Variants in SH3D19 observed in about 807,000 individuals in gnomAD.
SH3D19 encodes SH3 domain-containing protein 19.
SH3D19 carries 58 observed loss-of-function variants against 112.1 expected under a neutral mutation model. The observed-to-expected ratio is 0.52, with a 90% CI of 0.42 to 0.64. The LOEUF is 0.64. Ranked by LOEUF, SH3D19 falls within the 30% of genes least tolerant of loss-of-function variation. The pLI is 0.00. For missense variants in SH3D19, 1,090 were observed against 1,263.4 expected, an observed-to-expected ratio of 0.86 and a Z score of 2.08; for synonymous variants, 391 against 448.5, an observed-to-expected ratio of 0.87 and a Z score of 1.62.
intron 8 of SH3D19, 39 bp from the exon 9 acceptor site, chr4:151,159,391 T>A: frequency 8.3e-7 from 1 of 1,202,966 alleles, no homozygotes; most frequent in East Asian, 2.6e-5. Context: ...AATTTCTAGT[T>A]TCTGGGATTC....
intron 1 of SH3D19, among the ~76,000 whole-genome samples, chr4:151,270,578 T>C (rs1010500268): frequency 1.3e-5 from 2 of 151,904 alleles, no homozygotes; most frequent in African/African-American, 2.4e-5. Flanking sequence ...ACATATGTAC[T>C]GTATGTAATT....
chr4:151,268,164 T>C (rs1318214281), intron 1 of SH3D19, among the ~76,000 whole-genome samples: 1 of 152,212 alleles, frequency 6.6e-6, no homozygotes, highest in African/African-American at 2.4e-5. Context: ...GCTACAAACC[T>C]GTGCAGCAAG....
intron 9 of SH3D19, among the ~76,000 whole-genome samples, chr4:151,151,208 G>A (rs769515472): frequency 2.0e-5 from 3 of 152,088 alleles, no homozygotes; most frequent in East Asian, 1.9e-4. Flanking sequence ...TGATCCACCC[G>A]CCTTGGCCTC....
At chr4:151,260,937 T>G (rs1036784484) in intron 1 of SH3D19, among the ~76,000 whole-genome samples, 2 of 152,172 alleles carry the variant, frequency 1.3e-5, no homozygotes, top group Non-Finnish European at 2.9e-5. Context: ...CTCTCCCCGC[T>G]TCCTTTACTC....
intron 2 of SH3D19, among the ~76,000 whole-genome samples, chr4:151,198,136 T>A (rs1763751041): frequency 6.6e-6 from 1 of 150,962 alleles, no homozygotes; most frequent in South Asian, 2.1e-4. Flanking sequence ...AAACCTCATC[T>A]CTACAAAAAA....
At chr4:151,167,630 A>G (rs1376251656) in intron 7 of SH3D19, among the ~76,000 whole-genome samples, 1 of 152,204 alleles carries the variant, frequency 6.6e-6, no homozygotes, top group Non-Finnish European at 1.5e-5. Context: ...GCTATGCATT[A>G]AACACTATTT....
At chr4:151,195,711 T>G (rs1484292445) in intron 2 of SH3D19, among the ~76,000 whole-genome samples, 3 of 152,050 alleles carry the variant, frequency 2.0e-5, no homozygotes, top group Non-Finnish European at 4.4e-5. Flanking sequence ...TTGGACATGT[T>G]GGAATGATGT....
chr4:151,265,522 T>G (rs1446021500), intron 1 of SH3D19, among the ~76,000 whole-genome samples: 1 of 151,828 alleles, frequency 6.6e-6, no homozygotes, highest in Non-Finnish European at 1.5e-5. Context: ...TAAGTTTGCT[T>G]TTTAATAGAA....
intron 1 of SH3D19, among the ~76,000 whole-genome samples, chr4:151,240,962 G>A (rs542702489): frequency 4.6e-5 from 7 of 151,928 alleles, no homozygotes; most frequent in East Asian, 1.9e-4. Context: ...AAAAAGGAAC[G>A]AAGTACTGGT....
At chr4:151,253,795 G>C (rs886365890) in intron 1 of SH3D19, among the ~76,000 whole-genome samples, 2 of 151,670 alleles carry the variant, frequency 1.3e-5, no homozygotes, top group African/African-American at 2.4e-5. Flanking sequence ...AAAAGCACTT[G>C]TCATGTTCTG....
intron 1 of SH3D19, among the ~76,000 whole-genome samples, chr4:151,295,747 C>T (rs557156544): frequency 3.9e-5 from 6 of 152,128 alleles, no homozygotes; most frequent in Non-Finnish European, 7.4e-5. Flanking sequence ...CCCTAGAAAA[C>T]GGTTTTTAGG....
At chr4:151,320,078 C>A (rs1312743066) in intron 1 of SH3D19, among the ~76,000 whole-genome samples, 1 of 152,178 alleles carries the variant, frequency 6.6e-6, no homozygotes, top group African/African-American at 2.4e-5. Context: ...CATAAAGAAG[C>A]ACCTGGTACA....
intron 1 of SH3D19, among the ~76,000 whole-genome samples, chr4:151,324,355 T>G (rs992961289): frequency 6.6e-6 from 1 of 152,214 alleles, no homozygotes; most frequent in East Asian, 1.9e-4. Context: ...CACTTTATAA[T>G]GAGGCTCTCA....
intron 3 of SH3D19, among the ~76,000 whole-genome samples, chr4:151,183,656 T>C (rs1342421622): frequency 1.3e-5 from 2 of 152,164 alleles, no homozygotes; most frequent in Admixed American, 6.5e-5. Flanking sequence ...AATAAACACA[T>C]AGAAGGATTA....
intron 1 of SH3D19, among the ~76,000 whole-genome samples, chr4:151,310,578 CTCTT>C (rs541918747): frequency 2.6e-5 from 4 of 151,200 alleles, no homozygotes; most frequent in East Asian, 3.9e-4. Context: ...CTCTCTCTCT[CTCTT>C]TTTTTTTTTT....
chr4:151,238,961 G>T (rs1580303637), intron 1 of SH3D19, among the ~76,000 whole-genome samples: 1 of 152,028 alleles, frequency 6.6e-6, no homozygotes, highest in African/African-American at 2.4e-5. Context: ...CAAACAAAGA[G>T]AATGTTCAAT....
At chr4:151,165,735 A>C in intron 7 of SH3D19, 39 bp from the exon 8 acceptor site, 1 of 1,554,802 alleles carries the variant, frequency 6.4e-7, no homozygotes, top group Admixed American at 1.7e-5. Flanking sequence ...GTTTTAGTTA[A>C]CATGGACTGA....
intron 2 of SH3D19, among the ~76,000 whole-genome samples, chr4:151,219,894 T>A (rs544329922): frequency 6.6e-6 from 1 of 152,378 alleles, no homozygotes; most frequent in South Asian, 2.1e-4. Context: ...GATATTCTTA[T>A]ATATTTCTTT....
chr4:151,196,024 C>T (rs1177706333), intron 2 of SH3D19, among the ~76,000 whole-genome samples: 1 of 152,014 alleles, frequency 6.6e-6, no homozygotes, highest in East Asian at 1.9e-4. Flanking sequence ...CGGACACTTC[C>T]TTATGAACGT....
Sources: allele counts gnomAD v4.1 joint callset (sites outside exome capture counted in the v4.1 genomes callset), GRCh38; gene constraint gnomAD v4.1.1; transcripts MANE v1.5; gene names NCBI Gene and HGNC (gene_info 2026-07-23, HGNC 2026-07-21).